The following PLPPR5 variants were observed in gnomAD, a reference collection of about 807,000 sequenced individuals.
PLPPR5 encodes phospholipid phosphatase-related protein type 5.
A neutral mutation model predicts 33.9 loss-of-function variants in PLPPR5; 16 were observed. The ratio of observed to expected loss-of-function variants is 0.47; its 90% confidence interval spans 0.32 to 0.72. PLPPR5 has a LOEUF of 0.72. Among genes scored for constraint, PLPPR5 ranks in the 30% least tolerant of loss-of-function variants. PLPPR5 has a pLI of 0.03. For synonymous variants in PLPPR5, 163 were observed against 150.3 expected (o/e 1.08, Z -0.62); for missense variants, 301 against 406.7 (o/e 0.74, Z 2.23).
intron 3 of PLPPR5, among the ~76,000 whole-genome samples, chr1:98,938,113 T>A (rs972786859): frequency 1.3e-5 from 2 of 151,396 alleles, no homozygotes; most frequent in Admixed American, 6.6e-5. Context: ...CCAGCCCCTG[T>A]GGTGATGCAT....
chr1:99,004,367 G>C (rs923367621), intron 1 of PLPPR5, 68 bp downstream of exon 1: 2 of 1,355,752 alleles, frequency 1.5e-6, no homozygotes, highest in African/African-American at 2.9e-5. Context: ...CCTTAGAGGG[G>C]CCTCAACCCC....
At chr1:98,989,893 T>C (rs1302277532) in intron 1 of PLPPR5, among the ~76,000 whole-genome samples, 37 of 152,192 alleles carry the variant, frequency 2.4e-4, no homozygotes, top group Admixed American at 2.2e-3. Flanking sequence ...CTCTGTTTTA[T>C]AGAATGAAGT....
intron 5 of PLPPR5, among the ~76,000 whole-genome samples, chr1:98,905,904 G>C (rs1271347127): frequency 6.6e-6 from 1 of 151,998 alleles, no homozygotes; most frequent in Non-Finnish European, 1.5e-5. Flanking sequence ...ATAGGATTAT[G>C]TCACAAACTA....
intron 3 of PLPPR5, among the ~76,000 whole-genome samples, chr1:98,928,423 T>A (rs1320862652): frequency 1.3e-5 from 2 of 150,948 alleles, no homozygotes. Flanking sequence ...ATGCAAACTA[T>A]CTTATTACTA....
intron 1 of PLPPR5, among the ~76,000 whole-genome samples, chr1:98,987,471 T>C (rs1652300070): frequency 6.6e-6 from 1 of 151,906 alleles, no homozygotes; most frequent in Non-Finnish European, 1.5e-5. Context: ...CATATTTCCC[T>C]ATGAGTTGTG....
At chr1:99,001,519 A>G (rs1053114122) in intron 1 of PLPPR5, among the ~76,000 whole-genome samples, 1 of 151,918 alleles carries the variant, frequency 6.6e-6, no homozygotes, top group Non-Finnish European at 1.5e-5. Flanking sequence ...AGTCAGCATT[A>G]TATAAAAGTG....
chr1:98,922,014 A>G lies in PLPPR5; in HGVS notation c.666T>C (p.Ala222=), dbSNP rs1649573232. Residue 222 remains alanine, a synonymous_variant, in exon 4 of 6, where the codon GCT becomes GCC. Coordinates refer to ENST00000263177, the MANE Select transcript of PLPPR5 (RefSeq NM_001037317.2). ...TTAAGCCCAAGCATAGAACTGGCTTAGCAAGTCTGGTTCCCTTGGCTTTGA... is the reference window on the plus strand; with the variant it reads ...TTAAGCCCAAGCATAGAACTGGCTTGGCAAGTCTGGTTCCCTTGGCTTTGA... ...NTIKAKGTRL[A]KPVLCLGLMC... is the part of the protein sequence containing the mutation. The G allele has an allele frequency of 6.2e-6, 10 of 1,614,022 alleles. No homozygotes were observed. Among genetic ancestry groups the G allele is most frequent in the Non-Finnish European group, 7.6e-6 (9 of 1,179,962 alleles).
At position 98,955,584 on chromosome 1, in the gene PLPPR5, A is replaced by T. The variant is rs76990712; in HGVS notation, c.370+1025T>A. Among the ~76,000 whole-genome samples the T allele has an allele frequency of 2.8e-3, 432 of 152,184 alleles. 2 individuals are homozygous for T. The highest frequency in any genetic ancestry group is 8.9e-3 in the African/African-American group (368 of 41,568). On this transcript the variant is annotated intron_variant, in intron 2 of 5. Transcript: ENST00000263177. ...TAACTTGATGTCAGTAAAAATAACAATCTTGGATATGAAGGCCTTTCGTCT... is the reference window on the plus strand; with the variant it reads ...TAACTTGATGTCAGTAAAAATAACATTCTTGGATATGAAGGCCTTTCGTCT...
chr1:98,925,194 G>A (rs1649709031), intron 3 of PLPPR5, among the ~76,000 whole-genome samples: 1 of 152,170 alleles, frequency 6.6e-6, no homozygotes, highest in Non-Finnish European at 1.5e-5. Context: ...GATTATTTAT[G>A]CTCTCTTGGT....
chr1:98,923,706 C>A (rs144057644), intron 3 of PLPPR5, among the ~76,000 whole-genome samples: 1 of 152,098 alleles, frequency 6.6e-6, no homozygotes, highest in Non-Finnish European at 1.5e-5. Context: ...CTGTGACCTT[C>A]GGAGCTGGGT....
intron 1 of PLPPR5, among the ~76,000 whole-genome samples, chr1:98,961,889 C>A (rs1651261963): frequency 6.6e-6 from 1 of 152,144 alleles, no homozygotes; most frequent in Non-Finnish European, 1.5e-5. Flanking sequence ...AAGACTTTAC[C>A]ATCCCCTGCT....
At chr1:98,953,351 TTGCTTGTGTGTGTGTG>T in intron 2 of PLPPR5, 31 bp from the exon 3 acceptor site, 1 of 1,476,060 alleles carries the variant, frequency 6.8e-7, no homozygotes. Flanking sequence ...TTTTAACTTC[TTGCTTGTGTGTGTGTG>T]TGTGTGTGTG....
chr1:98,946,856 T>A (rs1650575298), intron 3 of PLPPR5, among the ~76,000 whole-genome samples: 1 of 152,130 alleles, frequency 6.6e-6, no homozygotes, highest in Non-Finnish European at 1.5e-5. Flanking sequence ...GGAAGGTAAA[T>A]GTGAATTTTT....
At chr1:98,990,572 T>C (rs1401820921) in intron 1 of PLPPR5, among the ~76,000 whole-genome samples, 1 of 152,126 alleles carries the variant, frequency 6.6e-6, no homozygotes, top group Non-Finnish European at 1.5e-5. Context: ...GTGTGAAATA[T>C]TCTCCATTTG....
At chr1:98,989,992 A>T (rs765848637) in intron 1 of PLPPR5, among the ~76,000 whole-genome samples, 1 of 152,192 alleles carries the variant, frequency 6.6e-6, no homozygotes, top group East Asian at 1.9e-4. Flanking sequence ...TTGATTTATA[A>T]AAGTGAAAGA....
chr1:98,933,823 A>T (rs1231657235), intron 3 of PLPPR5, among the ~76,000 whole-genome samples: 2 of 152,188 alleles, frequency 1.3e-5, no homozygotes, highest in Non-Finnish European at 2.9e-5. Flanking sequence ...GAAAGGCACC[A>T]CGGGGCATGA....
At chr1:99,001,671 G>GATAGATAGATAGATAGATAT (rs1247519605) in intron 1 of PLPPR5, among the ~76,000 whole-genome samples, 1 of 102,196 alleles carries the variant, frequency 9.8e-6, no homozygotes, top group East Asian at 3.7e-4. Flanking sequence ...GAAAGTTAAA[G>GATAGATAGATAGATAGATAT]ATATATATAT....
chr1:98,890,871 G>T lies in PLPPR5; in HGVS notation c.*2201C>A, dbSNP rs1648248080. 1 of 152,376 alleles carries T rather than the reference G, an allele frequency of 6.6e-6. No homozygotes were observed. The allele number at this position is 152,376 out of a possible 1,614,324, so 9.4% of individuals were successfully genotyped here. On this transcript the variant is annotated 3_prime_UTR_variant, in exon 6 of 6. Transcript: ENST00000263177. ...TCTGGGTTAAATCTGAGTTTTTGAA[G>T]AATTTAAAACTCCTGCATTCGTATC... is the stretch of plus-strand genomic sequence containing the variant.
chr1:98,932,392 C>A (rs1650010351), intron 3 of PLPPR5, among the ~76,000 whole-genome samples: 1 of 152,182 alleles, frequency 6.6e-6, no homozygotes, highest in South Asian at 2.1e-4. Flanking sequence ...TGTTTTGCCG[C>A]TTACTCAATA....
Sources: allele counts gnomAD v4.1 joint callset (sites outside exome capture counted in the v4.1 genomes callset), GRCh38; gene constraint gnomAD v4.1.1; transcripts MANE v1.5; gene names NCBI Gene and HGNC (gene_info 2026-07-23, HGNC 2026-07-21).